SLX4IP: variants seen among roughly 807,000 people sequenced by gnomAD.
The protein encoded by SLX4IP is SLX4 interacting protein.
A neutral mutation model predicts 32.9 loss-of-function variants in SLX4IP; 34 were observed. The ratio of observed to expected loss-of-function variants is 1.03; its 90% CI spans 0.79 to 1.38. The LOEUF is 1.38. Ranked by LOEUF, SLX4IP falls within the 40% of genes most tolerant of loss-of-function variation. SLX4IP has a pLI of 0.00. For missense variants in SLX4IP, 444 were observed against 479.0 expected (o/e 0.93, Z 0.68); for synonymous variants, 172 against 171.7 (o/e 1.00, Z -0.01).
intron 2 of SLX4IP, among the ~76,000 whole-genome samples, chr20:10,514,174 C>T (rs1050445530): frequency 5.9e-5 from 9 of 152,188 alleles, no homozygotes; most frequent in Admixed American, 2.0e-4. Context: ...AAAACTCTAC[C>T]GGGGAGTGGG....
chr20:10,618,285 GTATCTCCCTAGAGGCCAGGGC>G (rs1266250705), intron 6 of SLX4IP, among the ~76,000 whole-genome samples: 1 of 152,220 alleles, frequency 6.6e-6, no homozygotes, highest in Non-Finnish European at 1.5e-5. Context: ...CTGAGGGAGG[GTATCTCCCTAGAGGCCAGGGC>G]TTTGCCCTAT....
chr20:10,526,450 A>T (rs1032008191), intron 2 of SLX4IP, among the ~76,000 whole-genome samples: 9 of 152,212 alleles, frequency 5.9e-5, no homozygotes, highest in Non-Finnish European at 1.2e-4. Flanking sequence ...AAAATTTAGT[A>T]GTGTTTCTGA....
At chr20:10,521,529 C>G (rs944489692) in intron 2 of SLX4IP, among the ~76,000 whole-genome samples, 6 of 152,170 alleles carry the variant, frequency 3.9e-5, no homozygotes, top group African/African-American at 1.4e-4. Context: ...AGCTAATATC[C>G]TTGAGCTAAT....
chr20:10,456,620 C>T (rs763231202), intron 1 of SLX4IP, among the ~76,000 whole-genome samples: 6 of 152,298 alleles, frequency 3.9e-5, no homozygotes, highest in African/African-American at 1.2e-4. Flanking sequence ...GATTAACAGG[C>T]GTGAGCCACT....
At chr20:10,486,021 C>T (rs1406973186) in intron 2 of SLX4IP, among the ~76,000 whole-genome samples, 3 of 151,694 alleles carry the variant, frequency 2.0e-5, no homozygotes, top group Admixed American at 2.0e-4. Flanking sequence ...CAGGCACCCT[C>T]GGTATAACAT....
chr20:10,519,576 A>T (rs898775437), intron 2 of SLX4IP, among the ~76,000 whole-genome samples: 1 of 152,234 alleles, frequency 6.6e-6, no homozygotes, highest in African/African-American at 2.4e-5. Context: ...ATTGAATAAT[A>T]TTCCATTGTG....
intron 2 of SLX4IP, among the ~76,000 whole-genome samples, chr20:10,501,520 C>T (rs1318035426): frequency 1.3e-5 from 2 of 152,228 alleles, no homozygotes; most frequent in African/African-American, 4.8e-5. Context: ...ACAGCAATCT[C>T]CTTCCTTCAG....
At chr20:10,546,909 G>A (rs913622319) in intron 2 of SLX4IP, among the ~76,000 whole-genome samples, 1 of 152,144 alleles carries the variant, frequency 6.6e-6, no homozygotes, top group Non-Finnish European at 1.5e-5. Flanking sequence ...CTCATCTTTC[G>A]AAGGGACCCC....
At chr20:10,528,795 T>A (rs2065960886) in intron 2 of SLX4IP, among the ~76,000 whole-genome samples, 1 of 152,198 alleles carries the variant, frequency 6.6e-6, no homozygotes, top group Non-Finnish European at 1.5e-5. Context: ...CTGGTCATAT[T>A]TCCCTGGGCT....
chr20:10,453,360 T>C (rs1386741677), intron 1 of SLX4IP, among the ~76,000 whole-genome samples: 7 of 136,890 alleles, frequency 5.1e-5, no homozygotes, highest in African/African-American at 1.6e-4. Flanking sequence ...GCCTCTCCCC[T>C]GCGGCCTGCT....
intron 2 of SLX4IP, among the ~76,000 whole-genome samples, chr20:10,471,359 G>T (rs2065423423): frequency 6.6e-6 from 1 of 152,210 alleles, no homozygotes; most frequent in South Asian, 2.1e-4. Flanking sequence ...CAGGTAGTTT[G>T]CAGTGAGAAA....
intron 2 of SLX4IP, among the ~76,000 whole-genome samples, chr20:10,537,441 C>T (rs757430690): frequency 1.3e-5 from 2 of 152,196 alleles, no homozygotes; most frequent in African/African-American, 4.8e-5. Context: ...AACACTGTTT[C>T]GTGAGGCATG....
chr20:10,558,755 T>C lies in SLX4IP; in HGVS notation c.118-1945T>C, dbSNP rs1463763383. Among the ~76,000 whole-genome samples, 3 of 152,230 alleles carry C rather than the reference T, an allele frequency of 2.0e-5. No homozygotes were observed. In the East Asian group the frequency reaches 5.8e-4, roughly 29 times the overall value. ...CCCTCTGCATCTCTGTCTTGAGCACTGATTTTAACTTGTTCTTCTTATCTG... is the reference window on the plus strand; with the variant it reads ...CCCTCTGCATCTCTGTCTTGAGCACCGATTTTAACTTGTTCTTCTTATCTG... On this transcript the variant is annotated intron_variant, in intron 3 of 7. Transcript: ENST00000334534.
intron 1 of SLX4IP, among the ~76,000 whole-genome samples, chr20:10,456,859 C>G (rs1450869832): frequency 1.3e-5 from 2 of 152,168 alleles, no homozygotes; most frequent in African/African-American, 2.4e-5. Context: ...TCTTACAATC[C>G]ATGAACACGG....
chr20:10,476,281 A>AG (rs748980657), intron 2 of SLX4IP, among the ~76,000 whole-genome samples: 13 of 152,196 alleles, frequency 8.5e-5, no homozygotes, highest in Non-Finnish European at 1.3e-4. Flanking sequence ...GAGTTGGGAG[A>AG]GGACCCAACC....
At chr20:10,609,369 A>G (rs181768174) in intron 6 of SLX4IP, among the ~76,000 whole-genome samples, 2 of 152,330 alleles carry the variant, frequency 1.3e-5, no homozygotes, top group Admixed American at 6.5e-5. Context: ...AGGTTCCCAG[A>G]CTAGTTCACA....
intron 6 of SLX4IP, among the ~76,000 whole-genome samples, chr20:10,619,768 A>G (rs2067085783): frequency 6.6e-6 from 1 of 152,362 alleles, no homozygotes; most frequent in Middle Eastern, 3.4e-3. Flanking sequence ...TGTTTCACAC[A>G]TAAATCTCGA....
intron 1 of SLX4IP, among the ~76,000 whole-genome samples, chr20:10,447,175 C>G (rs2065209053): frequency 6.6e-6 from 1 of 152,186 alleles, no homozygotes; most frequent in Non-Finnish European, 1.5e-5. Context: ...TCATTTCACA[C>G]TAATTTCACA....
intron 4 of SLX4IP, among the ~76,000 whole-genome samples, chr20:10,567,638 A>G (rs181345880): frequency 2.1e-4 from 32 of 152,334 alleles, no homozygotes; most frequent in Admixed American, 2.0e-3. Context: ...TCTTTGGAGA[A>G]CTTTCACAAA....
Sources: allele counts gnomAD v4.1 joint callset (sites outside exome capture counted in the v4.1 genomes callset), GRCh38; gene constraint gnomAD v4.1.1; transcripts MANE v1.5; gene names NCBI Gene and HGNC (gene_info 2026-07-23, HGNC 2026-07-21).